Variants in CCDC91 observed in about 807,000 individuals in gnomAD.
CCDC91 encodes the protein coiled-coil domain containing 91, also known as coiled-coil domain-containing protein 91.
Under a neutral mutation model 63.2 loss-of-function variants are expected in CCDC91, and 48 were observed. That is an observed-to-expected ratio of 0.76 (90% CI 0.60 to 0.97). CCDC91 has a LOEUF of 0.97. CCDC91 is among the 50% of genes least tolerant of loss of function. The pLI is 0.00. For missense variants in CCDC91, 500 were observed against 494.6 expected, an observed-to-expected ratio of 1.01 and a Z score of -0.10; for synonymous variants, 167 against 165.8, an observed-to-expected ratio of 1.01 and a Z score of -0.06.
At chr12:28,278,312 T>A (rs911285679) in intron 3 of CCDC91, among the ~76,000 whole-genome samples, 1 of 152,076 alleles carries the variant, frequency 6.6e-6, no homozygotes, top group African/African-American at 2.4e-5. Flanking sequence ...TCTCCCTTCC[T>A]CTTAACAATT....
intron 2 of CCDC91, 44 bp from the exon 3 acceptor site, chr12:28,259,320 C>G: frequency 7.1e-7 from 1 of 1,412,928 alleles, no homozygotes; most frequent in Non-Finnish European, 1.0e-6. Context: ...AATAGCATTT[C>G]TGCTTTTCAC....
intron 8 of CCDC91, among the ~76,000 whole-genome samples, chr12:28,431,893 C>T (rs970277165): frequency 6.6e-6 from 1 of 151,958 alleles, no homozygotes; most frequent in African/African-American, 2.4e-5. Context: ...ACCTAGTCAT[C>T]CTTCTCTCCC....
chr12:28,332,102 A>G (rs532735932), intron 6 of CCDC91, among the ~76,000 whole-genome samples: 5 of 152,156 alleles, frequency 3.3e-5, no homozygotes, highest in Non-Finnish European at 5.9e-5. Flanking sequence ...TCCTTCATTC[A>G]GAAAGGATTC....
chr12:28,237,408 A>G (rs1358954942), intron 1 of CCDC91, among the ~76,000 whole-genome samples: 1 of 152,178 alleles, frequency 6.6e-6, no homozygotes, highest in Non-Finnish European at 1.5e-5. Flanking sequence ...AGATTATTCT[A>G]GATTATCTGT....
At chr12:28,227,714 A>G (rs1350840158) in intron 1 of CCDC91, among the ~76,000 whole-genome samples, 1 of 152,020 alleles carries the variant, frequency 6.6e-6, no homozygotes, top group Non-Finnish European at 1.5e-5. Flanking sequence ...AGTTTATTGC[A>G]TAGATTTCCC....
At chr12:28,538,687 C>T (rs1942387428) in intron 12 of CCDC91, among the ~76,000 whole-genome samples, 1 of 152,184 alleles carries the variant, frequency 6.6e-6, no homozygotes, top group Admixed American at 6.5e-5. Flanking sequence ...GCCACACTGA[C>T]TTCCACAATG....
intron 12 of CCDC91, among the ~76,000 whole-genome samples, chr12:28,501,126 A>G (rs368315349): frequency 1.3e-4 from 19 of 151,710 alleles, no homozygotes; most frequent in Admixed American, 7.9e-4. Context: ...CACCAATTCT[A>G]TAAGAAGCAC....
At chr12:28,469,546 A>G (rs749997815) in intron 11 of CCDC91, among the ~76,000 whole-genome samples, 10 of 152,158 alleles carry the variant, frequency 6.6e-5, no homozygotes, top group African/African-American at 9.6e-5. Context: ...AATCTCTATC[A>G]AAGTACAAAT....
At chr12:28,447,952 A>G (rs901331260) in intron 8 of CCDC91, among the ~76,000 whole-genome samples, 2 of 151,982 alleles carry the variant, frequency 1.3e-5, no homozygotes, top group Non-Finnish European at 2.9e-5. Flanking sequence ...TTTTAATAAT[A>G]GTAGTAGTCT....
chr12:28,201,309 G>C (rs76997688), intron 1 of CCDC91, among the ~76,000 whole-genome samples: 1 of 151,086 alleles, frequency 6.6e-6, no homozygotes, highest in Non-Finnish European at 1.5e-5. Flanking sequence ...TCACTTCTCA[G>C]ACGGGGCGGC....
chr12:28,352,572 CT>C (rs1374245203), intron 6 of CCDC91, among the ~76,000 whole-genome samples: 1 of 152,152 alleles, frequency 6.6e-6, no homozygotes, highest in Non-Finnish European at 1.5e-5. Flanking sequence ...GAAGCAACTC[CT>C]TATCTGTTCG....
intron 6 of CCDC91, among the ~76,000 whole-genome samples, chr12:28,333,885 A>G (rs1467663073): frequency 6.6e-6 from 1 of 152,174 alleles, no homozygotes; most frequent in African/African-American, 2.4e-5. Flanking sequence ...ATTTTTTTGT[A>G]GCTACATCTC....
intron 6 of CCDC91, among the ~76,000 whole-genome samples, chr12:28,330,434 A>C (rs1592327855): frequency 6.7e-6 from 1 of 149,440 alleles, no homozygotes; most frequent in African/African-American, 2.5e-5. Context: ...GTGTCTGTTC[A>C]TATCTGTCGC....
At chr12:28,420,403 T>G (rs760895665) in intron 8 of CCDC91, among the ~76,000 whole-genome samples, 2 of 152,192 alleles carry the variant, frequency 1.3e-5, no homozygotes, top group African/African-American at 4.8e-5. Context: ...TGTGAATAAT[T>G]CTTTTATTTA....
intron 11 of CCDC91, among the ~76,000 whole-genome samples, chr12:28,472,511 G>T (rs1478593055): frequency 6.6e-6 from 1 of 152,066 alleles, no homozygotes; most frequent in Non-Finnish European, 1.5e-5. Context: ...GAAAAGAGGA[G>T]AATTCTCTTT....
intron 11 of CCDC91, among the ~76,000 whole-genome samples, chr12:28,470,303 C>A (rs1392624748): frequency 1.3e-5 from 2 of 152,088 alleles, no homozygotes. Context: ...CAAAAGAAGA[C>A]ATACAAATGA....
chr12:28,405,544 T>C (rs1946883816), intron 8 of CCDC91, among the ~76,000 whole-genome samples: 1 of 152,230 alleles, frequency 6.6e-6, no homozygotes, highest in Non-Finnish European at 1.5e-5. Context: ...GCTCTACTTT[T>C]TCTTTGGCCA....
intron 6 of CCDC91, among the ~76,000 whole-genome samples, chr12:28,326,453 A>G (rs12425543): frequency 0.91 from 136,825 of 150,314 alleles, 63,554 homozygotes; most frequent in East Asian, 1. Flanking sequence ...ACAATGTGCA[A>G]GTTAGTTACA....
intron 11 of CCDC91, among the ~76,000 whole-genome samples, chr12:28,475,931 A>G (rs1044933532): frequency 6.6e-6 from 1 of 152,050 alleles, no homozygotes; most frequent in African/African-American, 2.4e-5. Flanking sequence ...CTAGAAAATT[A>G]CATTTCTGAT....
Sources: gnomAD v4.1 joint callset for allele counts (sites outside exome capture counted in the v4.1 genomes callset) on GRCh38, gnomAD v4.1.1 for gene constraint, MANE v1.5 for transcripts, NCBI Gene and HGNC (gene_info 2026-07-23, HGNC 2026-07-21) for gene names.